ARHGAP31: variants seen among roughly 807,000 people sequenced by gnomAD.
ARHGAP31 encodes the protein Rho GTPase activating protein 31.
Under a neutral mutation model 113.9 loss-of-function variants are expected in ARHGAP31, and 34 were observed. The ratio of observed to expected loss-of-function variants is 0.30; its 90% CI spans 0.23 to 0.40. The LOEUF (loss-of-function observed/expected upper bound fraction) is 0.40. ARHGAP31 is among the 10% of genes least tolerant of loss of function. The pLI, the probability that ARHGAP31 is intolerant of heterozygous loss-of-function variation, is 1.00. For missense variants in ARHGAP31, 1,548 were observed against 1,767.1 expected, an observed-to-expected ratio of 0.88 and a Z score of 2.22; for synonymous variants, 650 against 684.8, an observed-to-expected ratio of 0.95 and a Z score of 0.79.
chr3:119,313,417 C>A (rs896232293), intron 1 of ARHGAP31, among the ~76,000 whole-genome samples: 3 of 152,194 alleles, frequency 2.0e-5, no homozygotes, highest in African/African-American at 7.2e-5. Flanking sequence ...ATATTGATCA[C>A]TTATCTATTG....
intron 1 of ARHGAP31, among the ~76,000 whole-genome samples, chr3:119,340,927 G>A (rs1367921188): frequency 6.6e-6 from 1 of 152,064 alleles, no homozygotes; most frequent in Non-Finnish European, 1.5e-5. Flanking sequence ...AACTATACCC[G>A]ATTTCTTCCC....
intron 1 of ARHGAP31, chr3:119,330,002 C>T (rs2107606603): frequency 1.0e-6 from 1 of 985,426 alleles, no homozygotes; most frequent in Non-Finnish European, 1.2e-6. Context: ...TTTCCACTAT[C>T]ATCGGTGACT....
chr3:119,401,758 C>T, intron 9 of ARHGAP31, 64 bp from the exon 10 acceptor site: 2 of 1,506,660 alleles, frequency 1.3e-6, no homozygotes, highest in Non-Finnish European at 1.8e-6. Context: ...CCTGCCCTTA[C>T]TGGAAGGCCT....
chr3:119,373,432 G>T (rs1039078522), intron 3 of ARHGAP31, among the ~76,000 whole-genome samples: 21 of 121,446 alleles, frequency 1.7e-4, no homozygotes, highest in Middle Eastern at 4.1e-3. Context: ...TGGTGAGACT[G>T]GCTTTTTTTT....
At chr3:119,337,332 T>C (rs866406317) in intron 1 of ARHGAP31, among the ~76,000 whole-genome samples, 1 of 152,040 alleles carries the variant, frequency 6.6e-6, no homozygotes, top group Non-Finnish European at 1.5e-5. Flanking sequence ...AGTTGGCGCG[T>C]CCAGAGTTGT....
intron 1 of ARHGAP31, among the ~76,000 whole-genome samples, chr3:119,319,170 T>C (rs2079760422): frequency 6.6e-6 from 1 of 151,592 alleles, no homozygotes; most frequent in Non-Finnish European, 1.5e-5. Context: ...ACCACAGAGA[T>C]TAATCTTCTG....
chr3:119,303,708 A>T (rs1365372266), intron 1 of ARHGAP31, among the ~76,000 whole-genome samples: 1 of 152,192 alleles, frequency 6.6e-6, no homozygotes, highest in Non-Finnish European at 1.5e-5. Flanking sequence ...ACCGTACATA[A>T]ATCTATAGGC....
chr3:119,337,687 G>A (rs558374612), intron 1 of ARHGAP31, among the ~76,000 whole-genome samples: 76 of 152,266 alleles, frequency 5.0e-4, no homozygotes, highest in East Asian at 3.5e-3. Context: ...TGATTGGTGC[G>A]TTTACAAACC....
Position 119,414,536 on chromosome 3 carries a change from G to T in ARHGAP31, c.2607G>T (p.Glu869Asp), listed in dbSNP as rs1483860336. 2 of 1,614,242 alleles carry T rather than the reference G, an allele frequency of 1.2e-6. No homozygotes were observed. Among genetic ancestry groups the T allele is most frequent in the Admixed American group, 3.3e-5 (2 of 60,030 alleles). The stretch of plus-strand genomic sequence containing the variant: ...TTCCAAGCCCAACCAGGGAGGTTGA[G>T]ATCGTCTCACAAGAAGAGGAGGATG... Reference protein sequence around the residue: ...CGFPSPTREVEIVSQEEEDVT... With the variant: ...CGFPSPTREVDIVSQEEEDVT... Residue 869 changes from glutamate (E) to aspartate (D), a missense_variant, in exon 12 of 12, where the codon GAG becomes GAT. Transcript: ENST00000264245.
intron 1 of ARHGAP31, among the ~76,000 whole-genome samples, chr3:119,341,423 T>C (rs1411566675): frequency 6.6e-6 from 1 of 152,198 alleles, no homozygotes; most frequent in Non-Finnish European, 1.5e-5. Context: ...ACTCATTTAA[T>C]CTGCTCAGCA....
chr3:119,400,525 T>A (rs76805530), intron 9 of ARHGAP31, among the ~76,000 whole-genome samples: 6,183 of 152,328 alleles, frequency 0.041, 231 homozygotes, highest in Admixed American at 0.12. Flanking sequence ...CTCGATACTT[T>A]CAGCATTTTC....
intron 1 of ARHGAP31, among the ~76,000 whole-genome samples, chr3:119,337,510 C>A (rs997220381): frequency 2.6e-5 from 4 of 152,182 alleles, no homozygotes; most frequent in Admixed American, 2.6e-4. Context: ...TGACGGGACC[C>A]AAATGATTTG....
chr3:119,371,210 G>A (rs1223869955), intron 3 of ARHGAP31, among the ~76,000 whole-genome samples: 2 of 152,090 alleles, frequency 1.3e-5, no homozygotes, highest in East Asian at 1.9e-4. Flanking sequence ...ATAGTTGGGG[G>A]TAGATAGGAA....
rs929294859 is a variant in ARHGAP31 at position 119,417,153 on chromosome 3, A to C, written c.*889A>C. ...TGCTTTCTTTACAGTATCAGAGTCC[A>C]AGAACAGGATGTCACCATAGATAAA... On this transcript the variant is annotated 3_prime_UTR_variant, in exon 12 of 12. Coordinates refer to ENST00000264245, the MANE Select transcript of ARHGAP31 (RefSeq NM_020754.4). The C allele has an allele frequency of 2.0e-5, 3 of 152,268 alleles. No homozygotes were observed. The highest frequency in any genetic ancestry group is 7.2e-5 in the African/African-American group (3 of 41,458). 9.4% of individuals were successfully genotyped at this position (152,268 alleles called of 1,614,324 possible).
rs748630316 is a variant in ARHGAP31 at position 119,409,753 on chromosome 3, G to A, written c.1903G>A (p.Glu635Lys). 1.8e-5 allele frequency: 29 copies of A among 1,605,218 alleles called. No individual in the cohort carries two copies. Among genetic ancestry groups the A allele is most frequent in the Middle Eastern group, 2.1e-4 (1 of 4,848 alleles). ...TLQESPRARA[E>K]AVLLHEMDED... ...GCAGGAGAGCCCCAGGGCCAGAGCC[G>A]AAGCTGTGCTTCTCCATGAGATGGT... The change falls in exon 11 of 12, where the codon GAA becomes AAA. Residue 635 changes from glutamate to lysine, a missense_variant. Transcript: ENST00000264245.
intron 1 of ARHGAP31, among the ~76,000 whole-genome samples, chr3:119,303,791 TG>T (rs202022422): frequency 8.8e-4 from 131 of 149,598 alleles, no homozygotes; most frequent in African/African-American, 2.9e-3. Context: ...TGTTTTTTGT[TG>T]TTGTTGTTGT....
chr3:119,346,022 C>T (rs2107614684), intron 1 of ARHGAP31, among the ~76,000 whole-genome samples: 1 of 152,274 alleles, frequency 6.6e-6, no homozygotes, highest in South Asian at 2.1e-4. Flanking sequence ...AGTTGACTGC[C>T]CTCTATTGGG....
chr3:119,334,391 C>T (rs2079923425), intron 1 of ARHGAP31, among the ~76,000 whole-genome samples: 1 of 152,224 alleles, frequency 6.6e-6, no homozygotes, highest in South Asian at 2.1e-4. Flanking sequence ...GAGAACCCAG[C>T]TGCTGCTTCT....
chr3:119,330,918 G>A (rs556768467), intron 1 of ARHGAP31, among the ~76,000 whole-genome samples: 4 of 152,218 alleles, frequency 2.6e-5, no homozygotes, highest in African/African-American at 9.6e-5. Context: ...AAATAATCTC[G>A]GCTGTCAAAC....
Sources: allele counts gnomAD v4.1 joint callset (sites outside exome capture counted in the v4.1 genomes callset), GRCh38; gene constraint gnomAD v4.1.1; transcripts MANE v1.5; gene names NCBI Gene and HGNC (gene_info 2026-07-23, HGNC 2026-07-21).